SYNPR: variants seen among roughly 807,000 people sequenced by gnomAD.
SYNPR encodes synaptoporin.
Under a neutral mutation model 32.9 loss-of-function variants are expected in SYNPR, and 23 were observed. The ratio of observed to expected loss-of-function variants is 0.70; its 90% CI spans 0.50 to 0.99. The LOEUF (loss-of-function observed/expected upper bound fraction) is 0.99, where lower values mean the gene tolerates loss of function less well. SYNPR is among the 50% of genes least tolerant of loss of function. The probability of loss-of-function intolerance (pLI) is 0.00; values close to 1 mark genes in which losing one functional copy is unlikely to be tolerated. For synonymous variants in SYNPR, 146 were observed against 135.9 expected (o/e 1.07, Z -0.52); for missense variants, 318 against 349.3 (o/e 0.91, Z 0.71).
intron 2 of SYNPR, among the ~76,000 whole-genome samples, chr3:63,318,854 G>T (rs1248654120): frequency 3.9e-5 from 6 of 151,968 alleles, no homozygotes; most frequent in Non-Finnish European, 4.4e-5. Context: ...TATTACCGGG[G>T]TTGGTTTTCT....
intron 4 of SYNPR, among the ~76,000 whole-genome samples, chr3:63,586,763 C>G (rs1703191969): frequency 6.6e-6 from 1 of 151,376 alleles, no homozygotes; most frequent in Non-Finnish European, 1.5e-5. Flanking sequence ...TCTAGGGACA[C>G]AGGTGATTAA....
intron 3 of SYNPR, among the ~76,000 whole-genome samples, chr3:63,498,764 G>C (rs1701420559): frequency 6.6e-6 from 1 of 151,856 alleles, no homozygotes; most frequent in African/African-American, 2.4e-5. Context: ...TGGCCTCGTG[G>C]GCCCGATAAG....
chr3:63,480,508 C>T (rs1701025015), intron 2 of SYNPR, among the ~76,000 whole-genome samples: 1 of 152,188 alleles, frequency 6.6e-6, no homozygotes, highest in South Asian at 2.1e-4. Flanking sequence ...TGGTGTAGTG[C>T]TATCCAGGCC....
intron 2 of SYNPR, among the ~76,000 whole-genome samples, chr3:63,354,129 A>G (rs2087545221): frequency 6.6e-6 from 1 of 152,200 alleles, no homozygotes; most frequent in African/African-American, 2.4e-5. Context: ...CTTATAGAGT[A>G]CATTCATTAG....
the SYNPR span, among the ~76,000 whole-genome samples, chr3:63,219,958 A>G: frequency 8.5e-5 from 13 of 152,314 alleles, no homozygotes; most frequent in African/African-American, 3.1e-4. Context: ...TGTGTTGTAC[A>G]AAGGTCAACT....
At chr3:63,429,680 T>A (rs1444679189) in intron 2 of SYNPR, among the ~76,000 whole-genome samples, 1 of 152,246 alleles carries the variant, frequency 6.6e-6, no homozygotes, top group African/African-American at 2.4e-5. Flanking sequence ...TTAACAGTTT[T>A]TTGACAACAT....
chr3:63,354,790 G>C (rs1241651604), intron 2 of SYNPR, among the ~76,000 whole-genome samples: 1 of 152,150 alleles, frequency 6.6e-6, no homozygotes, highest in African/African-American at 2.4e-5. Flanking sequence ...ATGATCATTT[G>C]CATCTTCAGG....
chr3:63,433,461 C>T (rs1328700880), intron 2 of SYNPR, among the ~76,000 whole-genome samples: 1 of 152,156 alleles, frequency 6.6e-6, no homozygotes, highest in Non-Finnish European at 1.5e-5. Flanking sequence ...ATGAACAGTT[C>T]ACATGGCATT....
intron 2 of SYNPR, among the ~76,000 whole-genome samples, chr3:63,366,997 G>T (rs1033166344): frequency 1.3e-5 from 2 of 152,186 alleles, no homozygotes; most frequent in African/African-American, 4.8e-5. Flanking sequence ...TAACAACCCT[G>T]TGAGCTATGC....
intron 3 of SYNPR, among the ~76,000 whole-genome samples, chr3:63,521,650 A>G (rs988127130): frequency 6.6e-6 from 1 of 152,178 alleles, no homozygotes; most frequent in African/African-American, 2.4e-5. Flanking sequence ...CCTGCAGCCA[A>G]TACTCTGGAG....
intron 3 of SYNPR, among the ~76,000 whole-genome samples, chr3:63,523,259 C>G (rs926106641): frequency 2.6e-5 from 4 of 152,096 alleles, no homozygotes; most frequent in Non-Finnish European, 5.9e-5. Context: ...CTTTGCCCTT[C>G]CAAGTCCACT....
intron 4 of SYNPR, among the ~76,000 whole-genome samples, chr3:63,581,399 G>GTCATACAA (rs1559542306): frequency 6.7e-6 from 1 of 150,110 alleles, no homozygotes; most frequent in Non-Finnish European, 1.5e-5. Flanking sequence ...ATCAGTAACA[G>GTCATACAA]TAACATAGTA....
intron 2 of SYNPR, among the ~76,000 whole-genome samples, chr3:63,411,693 A>G (rs531031199): frequency 1.3e-5 from 2 of 152,212 alleles, no homozygotes; most frequent in East Asian, 3.9e-4. Context: ...CAGAGTAAAC[A>G]TGGCACATTT....
chr3:63,412,488 C>T (rs1256589356), intron 2 of SYNPR, among the ~76,000 whole-genome samples: 1 of 152,006 alleles, frequency 6.6e-6, no homozygotes, highest in Non-Finnish European at 1.5e-5. Flanking sequence ...AGGACATGGA[C>T]ATAGAGGAGT....
At position 63,615,906 on chromosome 3, in the gene SYNPR, T is replaced by C. The variant is rs948445534; in HGVS notation, c.*425T>C. On this transcript the variant is annotated 3_prime_UTR_variant, in exon 6 of 6. Coordinates refer to ENST00000478300, the MANE Select transcript of SYNPR (RefSeq NM_001130003.2). ...AATTTGGTGTATCACAACATGCATG[T>C]CTTATTTTTTTTTAGTTTTAAGTCC... 3.9e-5 allele frequency: 6 copies of C among 154,702 alleles called. No homozygotes were observed. The highest frequency in any genetic ancestry group is 1.4e-4 in the African/African-American group (6 of 41,480). 9.6% of individuals were successfully genotyped at this position (154,702 alleles called of 1,614,324 possible). A position where few individuals can be genotyped will look rare whatever the true frequency, so the allele number is the denominator to read the frequency against.
At chr3:63,592,624 G>T (rs920775854) in intron 4 of SYNPR, among the ~76,000 whole-genome samples, 1 of 151,960 alleles carries the variant, frequency 6.6e-6, no homozygotes, top group Non-Finnish European at 1.5e-5. Flanking sequence ...GAATTATTAG[G>T]ATGTTTAAGG....
intron 2 of SYNPR, among the ~76,000 whole-genome samples, chr3:63,446,498 T>A (rs1038989275): frequency 1.3e-5 from 2 of 152,094 alleles, no homozygotes; most frequent in Admixed American, 6.6e-5. Context: ...TAAATCCACT[T>A]GAGCCAATAA....
At chr3:63,356,332 T>C (rs2087577009) in intron 2 of SYNPR, among the ~76,000 whole-genome samples, 1 of 152,212 alleles carries the variant, frequency 6.6e-6, no homozygotes, top group African/African-American at 2.4e-5. Flanking sequence ...CTTGGACAAC[T>C]TCTATGGTGT....
chr3:63,569,950 A>G (rs1428822352), intron 4 of SYNPR, among the ~76,000 whole-genome samples: 1 of 152,236 alleles, frequency 6.6e-6, no homozygotes, highest in African/African-American at 2.4e-5. Flanking sequence ...TGCCTGCTGC[A>G]GTCGGCCTTG....
Sources: gnomAD v4.1 joint callset for allele counts (sites outside exome capture counted in the v4.1 genomes callset) on GRCh38, gnomAD v4.1.1 for gene constraint, MANE v1.5 for transcripts, NCBI Gene and HGNC (gene_info 2026-07-23, HGNC 2026-07-21) for gene names.